DCLK2: variants seen among roughly 807,000 people sequenced by gnomAD.
DCLK2 encodes serine/threonine-protein kinase DCLK2.
DCLK2 carries 31 observed loss-of-function variants against 78.4 expected under a neutral mutation model. That is an observed-to-expected ratio of 0.40 (90% CI 0.30 to 0.53). DCLK2 has a LOEUF of 0.53. Ranked by LOEUF, DCLK2 falls within the 20% of genes least tolerant of loss-of-function variation. DCLK2 has a pLI of 0.61. For synonymous variants in DCLK2, 407 were observed against 374.9 expected (o/e 1.09, Z -0.99); for missense variants, 872 against 973.7 (o/e 0.90, Z 1.39).
intron 2 of DCLK2, among the ~76,000 whole-genome samples, chr4:150,165,769 C>T (rs1482628781): frequency 1.3e-5 from 2 of 152,116 alleles, no homozygotes; most frequent in Admixed American, 1.3e-4. Context: ...AATGTGTCCC[C>T]CAAAAGTTCA....
rs535682820 is a variant in DCLK2 at position 150,232,243 on chromosome 4, T to A, written c.1300-94T>A. 1.0e-5 allele frequency: 15 copies of A among 1,473,558 alleles called. No individual in the cohort carries two copies. The Admixed American group carries it at 1.0e-4, about 10-fold the overall frequency. 91.3% of individuals were successfully genotyped at this position (1,473,558 alleles called of 1,614,324 possible). On this transcript the variant is annotated intron_variant, in intron 8 of 15. Coordinates refer to ENST00000296550, the MANE Select transcript of DCLK2 (RefSeq NM_001040260.4). ...GAGCAATGCTTTCTTTGGCATCAGA[T>A]CCACAGGCTGTGTTTGTTTTGCTGT...
At chr4:150,131,498 T>G (rs944389956) in intron 2 of DCLK2, among the ~76,000 whole-genome samples, 1 of 152,044 alleles carries the variant, frequency 6.6e-6, no homozygotes, top group South Asian at 2.1e-4. Context: ...CCCAAGAAAA[T>G]GTGACGAAGA....
chr4:150,237,469 T>A (rs1325182693), intron 10 of DCLK2, among the ~76,000 whole-genome samples: 1 of 152,168 alleles, frequency 6.6e-6, no homozygotes, highest in Non-Finnish European at 1.5e-5. Context: ...AAGATATGTG[T>A]TAGAGATGTG....
rs1743579667 is a variant in DCLK2 at position 150,249,440 on chromosome 4, G to A, written c.1957-128G>A. 9 of 728,090 alleles carry A rather than the reference G, an allele frequency of 1.2e-5. No individual in the cohort carries two copies. The South Asian group carries it at 1.2e-4, about 10-fold the overall frequency. The allele number at this position is 728,090 out of a possible 1,614,324, so 45.1% of individuals were successfully genotyped here. ...AGATCATTGTTTCCCTAATTCTGTG[G>A]CTAAGAGGGGCCCATTTAGGAAGAG... On this transcript the variant is annotated intron_variant, in intron 14 of 15. Transcript: ENST00000296550.
At chr4:150,113,056 T>C (rs567357356) in intron 2 of DCLK2, among the ~76,000 whole-genome samples, 44 of 152,060 alleles carry the variant, frequency 2.9e-4, no homozygotes, top group African/African-American at 1.1e-3. Flanking sequence ...GGTGATCCGC[T>C]CGCTTCGGCC....
chr4:150,107,763 G>A (rs1006776809), intron 2 of DCLK2, among the ~76,000 whole-genome samples: 10 of 152,150 alleles, frequency 6.6e-5, no homozygotes, highest in Admixed American at 4.6e-4. Context: ...CAGCTTTGCA[G>A]GGGATTAGAT....
intron 2 of DCLK2, among the ~76,000 whole-genome samples, chr4:150,113,205 C>G (rs1731826829): frequency 6.6e-6 from 1 of 152,000 alleles, no homozygotes; most frequent in South Asian, 2.1e-4. Flanking sequence ...CTGTAGTTTT[C>G]CTTTTTGTTA....
chr4:150,117,595 A>G (rs1732192862), intron 2 of DCLK2, among the ~76,000 whole-genome samples: 1 of 152,144 alleles, frequency 6.6e-6, no homozygotes, highest in Admixed American at 6.5e-5. Context: ...CGACTTCTGC[A>G]AGGTCCCCTG....
chr4:150,229,138 G>A (rs1264430242), intron 8 of DCLK2, among the ~76,000 whole-genome samples: 1 of 152,070 alleles, frequency 6.6e-6, no homozygotes, highest in African/African-American at 2.4e-5. Flanking sequence ...CCAGGAGTTC[G>A]AGACCAGCCC....
chr4:150,178,953 A>G (rs1737288003), intron 2 of DCLK2, among the ~76,000 whole-genome samples: 1 of 152,206 alleles, frequency 6.6e-6, no homozygotes, highest in African/African-American at 2.4e-5. Flanking sequence ...TACAAGATAC[A>G]TCTTGTCTTT....
chr4:150,181,170 A>G (rs943454989), intron 2 of DCLK2, among the ~76,000 whole-genome samples: 4 of 152,176 alleles, frequency 2.6e-5, no homozygotes, highest in African/African-American at 9.7e-5. Flanking sequence ...AATTTTTAAA[A>G]ATTTAATAAA....
chr4:150,257,097 G>C lies in DCLK2; in HGVS notation c.*850G>C, dbSNP rs1744622882. 1 of 152,402 alleles carries C rather than the reference G, an allele frequency of 6.6e-6. No individual in the cohort carries two copies. The highest frequency in any genetic ancestry group is 2.1e-4 in the South Asian group (1 of 4,834). The allele number at this position is 152,402 out of a possible 1,614,324, so 9.4% of individuals were successfully genotyped here. On this transcript the variant is annotated 3_prime_UTR_variant, in exon 16 of 16. Coordinates refer to ENST00000296550, the MANE Select transcript of DCLK2 (RefSeq NM_001040260.4). The stretch of plus-strand genomic sequence containing the variant: ...CTGCTTCCCTGCAAGCCAGCGACTT[G>C]CCGAGCAGAATGAGCTCTGCTCCTG...
rs542754940 is a variant in DCLK2 at position 150,246,174 on chromosome 4, A to T, written c.1779-1429A>T. Among the ~76,000 whole-genome samples, 363 of 152,018 alleles carry T rather than the reference A, an allele frequency of 2.4e-3. 4 individuals are homozygous for T. Among genetic ancestry groups the T allele is most frequent in the Admixed American group, 2.2e-3 (34 of 15,270 alleles). On this transcript the variant is annotated intron_variant, in intron 12 of 15. Coordinates refer to ENST00000296550, the MANE Select transcript of DCLK2 (RefSeq NM_001040260.4). Reference sequence around the variant, plus strand: ...ATTCTCCTGCCCCAGCCTCCTGAGTAGCTGGGATTACAGGTGCGCACCACC... The same window carrying T: ...ATTCTCCTGCCCCAGCCTCCTGAGTTGCTGGGATTACAGGTGCGCACCACC...
rs1302746754 is a variant in DCLK2 at position 150,078,524 on chromosome 4, A to G, written c.-504A>G. 2 of 150,186 alleles carry G rather than the reference A, an allele frequency of 1.3e-5. No individual in the cohort carries two copies. The highest frequency in any genetic ancestry group is 1.3e-4 in the Admixed American group (2 of 15,070). 9.3% of individuals were successfully genotyped at this position (150,186 alleles called of 1,614,324 possible). A position where few individuals can be genotyped will look rare whatever the true frequency, so the allele number is the denominator to read the frequency against. The stretch of plus-strand genomic sequence containing the variant: ...GGCGCGGCCGAGGCGGCGGCGCTGC[A>G]CCCCGGGCCTGGGCCCGCGCGACTC... On this transcript the variant is annotated 5_prime_UTR_variant, in exon 1 of 16. Coordinates refer to ENST00000296550, the MANE Select transcript of DCLK2 (RefSeq NM_001040260.4).
rs1395343704 is a variant in DCLK2, at chr4:150,248,385, A to G, written c.1956A>G (p.Ser652=). ...AAATCCTGAGTCACCCCTGGGTGTCAGTAAGTACCCACATTCCCAGGGAAT... is the reference window on the plus strand; with the variant it reads ...AAATCCTGAGTCACCCCTGGGTGTCGGTAAGTACCCACATTCCCAGGGAAT... The part of the protein sequence containing the change: ...AGQILSHPWV[S]DDASQENNMQ... Residue 652 remains serine (S), a splice_region_variant and synonymous_variant, in exon 14 of 16, where the codon TCA becomes TCG. Coordinates refer to ENST00000296550, the MANE Select transcript of DCLK2 (RefSeq NM_001040260.4). 6.2e-7 allele frequency: 1 copy of G among 1,613,406 alleles called. No individual in the cohort carries two copies. Among genetic ancestry groups the G allele is most frequent in the East Asian group, 2.2e-5 (1 of 44,876 alleles).
chr4:150,155,943 T>A (rs960130474), intron 2 of DCLK2, among the ~76,000 whole-genome samples: 1 of 151,922 alleles, frequency 6.6e-6, no homozygotes, highest in African/African-American at 2.4e-5. Context: ...ATTCCACTAG[T>A]AATGGCCAGA....
chr4:150,234,766 AAGG>A (rs1168362130), intron 10 of DCLK2, among the ~76,000 whole-genome samples: 2,860 of 149,764 alleles, frequency 0.019, 84 homozygotes, highest in African/African-American at 0.062. Flanking sequence ...AAAAAAAAAA[AAGG>A]GGGATTGTGG....
intron 2 of DCLK2, among the ~76,000 whole-genome samples, chr4:150,123,504 A>T (rs1225089264): frequency 6.6e-6 from 1 of 152,238 alleles, no homozygotes; most frequent in African/African-American, 2.4e-5. Flanking sequence ...AATATCACAG[A>T]TGACCCTAAT....
At chr4:150,138,919 C>G (rs974550619) in intron 2 of DCLK2, among the ~76,000 whole-genome samples, 1 of 152,006 alleles carries the variant, frequency 6.6e-6, no homozygotes, top group Non-Finnish European at 1.5e-5. Flanking sequence ...CCGCCTTGGC[C>G]TCCCAAAGTG....
Sources: allele counts gnomAD v4.1 joint callset (sites outside exome capture counted in the v4.1 genomes callset), GRCh38; gene constraint gnomAD v4.1.1; transcripts MANE v1.5; gene names NCBI Gene and HGNC (gene_info 2026-07-23, HGNC 2026-07-21).